LARGE1: variants seen among roughly 807,000 people sequenced by gnomAD.
The protein encoded by LARGE1 is LARGE xylosyl- and glucuronyltransferase 1.
Under a neutral mutation model 87.6 loss-of-function variants are expected in LARGE1, and 43 were observed. That is an observed-to-expected ratio of 0.49 (90% confidence interval 0.38 to 0.63). The LOEUF is 0.63. LARGE1 is among the 30% of genes least tolerant of loss of function. LARGE1 has a pLI of 0.00. For missense variants in LARGE1, 802 were observed against 1,000.2 expected (o/e 0.80, Z 2.67); for synonymous variants, 434 against 394.6 (o/e 1.10, Z -1.18).
intron 5 of LARGE1, among the ~76,000 whole-genome samples, chr22:33,588,186 G>A (rs958635748): frequency 3.3e-5 from 5 of 152,196 alleles, no homozygotes; most frequent in African/African-American, 1.2e-4. Context: ...GAGCCGAGGG[G>A]TCCATCCACG....
chr22:33,390,390 T>G (rs1463235216), intron 7 of LARGE1, among the ~76,000 whole-genome samples: 1 of 152,228 alleles, frequency 6.6e-6, no homozygotes, highest in East Asian at 1.9e-4. Flanking sequence ...ATGGAGGTGA[T>G]GTTTCCGATG....
At chr22:33,812,372 T>A (rs771506724) in intron 1 of LARGE1, among the ~76,000 whole-genome samples, 2 of 152,220 alleles carry the variant, frequency 1.3e-5, no homozygotes, top group African/African-American at 2.4e-5. Flanking sequence ...TGGACGAGGC[T>A]CTTTTTGACA....
chr22:33,471,050 G>GA (rs2068818758), intron 6 of LARGE1, among the ~76,000 whole-genome samples: 1 of 127,992 alleles, frequency 7.8e-6, no homozygotes, highest in East Asian at 2.4e-4. Flanking sequence ...TTTTTTTTGA[G>GA]AGAGTCTCGC....
chr22:33,269,272 T>C (rs1928120293), downstream of LARGE1, among the ~76,000 whole-genome samples: 1 of 152,226 alleles, frequency 6.6e-6, no homozygotes, highest in Non-Finnish European at 1.5e-5. Flanking sequence ...TTTTCAAACT[T>C]ACAGTTTCAA....
At chr22:33,574,756 T>C (rs5999018) in intron 5 of LARGE1, among the ~76,000 whole-genome samples, 20,676 of 149,776 alleles carry the variant, frequency 0.14, 2,425 homozygotes, top group African/African-American at 0.33. Flanking sequence ...TATAGTCTGA[T>C]ACACTTAATG....
chr22:33,770,704 A>G (rs908459622), intron 1 of LARGE1, among the ~76,000 whole-genome samples: 2 of 152,106 alleles, frequency 1.3e-5, no homozygotes, highest in African/African-American at 4.8e-5. Context: ...GAAAATAAAA[A>G]AGCAAAAAAG....
At chr22:33,783,221 CTA>C (rs1448137634) in intron 1 of LARGE1, among the ~76,000 whole-genome samples, 2 of 151,530 alleles carry the variant, frequency 1.3e-5, no homozygotes, top group Admixed American at 1.3e-4. Flanking sequence ...TCTTTGAGCA[CTA>C]TGTTTCTTCA....
At chr22:33,071,639 C>A in the LARGE1 span, among the ~76,000 whole-genome samples, 12 of 152,234 alleles carry the variant, frequency 7.9e-5, no homozygotes, top group Non-Finnish European at 1.5e-4. Flanking sequence ...AGTTAACAGA[C>A]CAGCAAGCAT....
At position 33,301,457 on chromosome 22, in the gene LARGE1, A is replaced by G. The variant is rs541675800; in HGVS notation, c.1730+2772T>C. Among the ~76,000 whole-genome samples, 388 of 152,286 alleles carry G rather than the reference A, an allele frequency of 2.5e-3. 2 individuals carry two copies. The highest frequency in any genetic ancestry group is 4.2e-3 in the Non-Finnish European group (283 of 68,034). On this transcript the variant is annotated intron_variant, in intron 12 of 14. Transcript: ENST00000397394. ...TGCTCCAAATCATCATCTAAAAACA[A>G]TTTTTAAAAATTAGTTGCCAACATT...
chr22:33,597,298 A>C (rs1429939677), intron 5 of LARGE1, among the ~76,000 whole-genome samples: 3 of 138,502 alleles, frequency 2.2e-5, no homozygotes, highest in East Asian at 2.1e-4. Flanking sequence ...AAAAAAAAAA[A>C]CTTGTAAGTA....
intron 2 of LARGE1, among the ~76,000 whole-genome samples, chr22:33,686,560 A>C (rs484115): frequency 7.5e-6 from 1 of 132,802 alleles, no homozygotes; most frequent in Non-Finnish European, 1.6e-5. Flanking sequence ...AAAAAAAAAA[A>C]AAAAAACAAA....
chr22:33,325,674 A>C (rs1937179178), intron 10 of LARGE1, among the ~76,000 whole-genome samples: 2 of 137,546 alleles, frequency 1.5e-5, no homozygotes, highest in Admixed American at 7.2e-5. Flanking sequence ...CGATGGACCA[A>C]TTAAGGAGTC....
chr22:33,727,438 C>G (rs1251178038), intron 2 of LARGE1: 1 of 152,106 alleles, frequency 6.6e-6, no homozygotes, highest in Non-Finnish European at 1.5e-5. Context: ...TTTGCTAAAC[C>G]AAATAAAGTA....
intron 1 of LARGE1, among the ~76,000 whole-genome samples, chr22:33,843,304 G>T (rs1370189245): frequency 6.6e-6 from 1 of 152,014 alleles, no homozygotes; most frequent in East Asian, 1.9e-4. Context: ...AGGCACAGTG[G>T]CTCATGCCTG....
chr22:33,537,223 A>G (rs2077068132), intron 6 of LARGE1, among the ~76,000 whole-genome samples: 1 of 152,240 alleles, frequency 6.6e-6, no homozygotes, highest in Admixed American at 6.5e-5. Context: ...TGGAGGTCAG[A>G]AAGCCTGAAA....
chr22:33,886,727 AAAGAG>A (rs2064861487), intron 1 of LARGE1, among the ~76,000 whole-genome samples: 1 of 151,656 alleles, frequency 6.6e-6, no homozygotes, highest in Non-Finnish European at 1.5e-5. Flanking sequence ...AAAGAGAAGA[AAAGAG>A]AAGAGAAAAA....
rs117631051 is a variant in LARGE1 at position 33,861,173 on chromosome 22, C to T, written c.-83+58822G>A. Among the ~76,000 whole-genome samples, 427 of 152,258 alleles carry T rather than the reference C, an allele frequency of 2.8e-3. 4 individuals are homozygous for T. Among genetic ancestry groups the T allele is most frequent in the East Asian group, 0.016 (85 of 5,174 alleles). ...GCAAGGAAAAGGTCAGTAAGCACAG[C>T]CCTATCTTGGTATTCTCTCCAAAGC... On this transcript the variant is annotated intron_variant, in intron 1 of 14. Coordinates refer to ENST00000397394, the MANE Select transcript of LARGE1 (RefSeq NM_133642.5).
chr22:33,368,777 A>G (rs1033233073), intron 9 of LARGE1, among the ~76,000 whole-genome samples: 2 of 152,170 alleles, frequency 1.3e-5, no homozygotes, highest in African/African-American at 4.8e-5. Flanking sequence ...TTTCCGATAC[A>G]TATAAAAATT....
chr22:33,165,024 G>A (rs1922192702), exon 12 of LARGE1: 1 of 152,112 alleles, frequency 6.6e-6, no homozygotes, highest in African/African-American at 2.4e-5. Context: ...GGAAGGGAGG[G>A]TGGAAAAACT....
Sources: gnomAD v4.1 joint callset for allele counts (sites outside exome capture counted in the v4.1 genomes callset) on GRCh38, gnomAD v4.1.1 for gene constraint, MANE v1.5 for transcripts, NCBI Gene and HGNC (gene_info 2026-07-23, HGNC 2026-07-21) for gene names.